The following TLR5 variants were observed in gnomAD, a reference collection of about 807,000 sequenced individuals.
The protein encoded by TLR5 is toll like receptor 5.
For synonymous variants in TLR5, 373 were observed against 384.4 expected (o/e 0.97, Z 0.35); for missense variants, 944 against 999.8 (o/e 0.94, Z 0.75).
At chr1:223,113,707 A>T (rs571455203) in intron 5 of TLR5, among the ~76,000 whole-genome samples, 233 of 152,220 alleles carry the variant, frequency 1.5e-3, no homozygotes, top group African/African-American at 5.4e-3. Flanking sequence ...CGATCCTCCT[A>T]CCTTGGCCTC....
intron 5 of TLR5, among the ~76,000 whole-genome samples, chr1:223,121,571 T>C (rs1176944419): frequency 6.6e-6 from 1 of 152,212 alleles, no homozygotes; most frequent in Non-Finnish European, 1.5e-5. Flanking sequence ...CAGGCTGGAG[T>C]GCAGTGGTGC....
intron 2 of TLR5, among the ~76,000 whole-genome samples, chr1:223,140,259 T>A (rs1657781703): frequency 6.6e-6 from 1 of 152,048 alleles, no homozygotes; most frequent in African/African-American, 2.4e-5. Context: ...AAAAAACGCA[T>A]GGTCAGGCTG....
intron 4 of TLR5, 142 bp from the exon 5 acceptor site, chr1:223,132,781 A>T (rs1657446282): frequency 6.6e-6 from 1 of 152,294 alleles, no homozygotes; most frequent in African/African-American, 2.4e-5. Flanking sequence ...TAATTGGAAA[A>T]GATCAAGACC....
chr1:223,127,013 A>T (rs1657193847), intron 5 of TLR5: 1 of 152,148 alleles, frequency 6.6e-6, no homozygotes. Flanking sequence ...CTGCTCACTT[A>T]TGCTTGGGGA....
intron 2 of TLR5, among the ~76,000 whole-genome samples, chr1:223,141,229 G>C (rs900750864): frequency 6.6e-6 from 1 of 152,182 alleles, no homozygotes; most frequent in African/African-American, 2.4e-5. Context: ...CTGATGCACG[G>C]GAATGAACAA....
chr1:223,140,710 T>A (rs1271061707), intron 2 of TLR5, among the ~76,000 whole-genome samples: 1 of 152,198 alleles, frequency 6.6e-6, no homozygotes, highest in Non-Finnish European at 1.5e-5. Flanking sequence ...TATATCCTCA[T>A]GCTTCCTTTC....
At chr1:223,121,309 G>A (rs976641708) in intron 5 of TLR5, among the ~76,000 whole-genome samples, 1 of 152,156 alleles carries the variant, frequency 6.6e-6, no homozygotes, top group Admixed American at 6.5e-5. Context: ...AATTATGTAT[G>A]TAGGTGGATT....
Position 223,111,872 on chromosome 1 carries a change from T to C in TLR5, c.1160A>G (p.Gln387Arg). 6.2e-7 allele frequency: 1 copy of C among 1,613,980 alleles called. No individual in the cohort carries two copies. Among genetic ancestry groups the C allele is most frequent in the Non-Finnish European group, 8.5e-7 (1 of 1,179,916 alleles). ...DQTFKFLEKL[Q>R]TLDLRDNALT... The stretch of plus-strand genomic sequence containing the variant: ...AGCATTGTCTCGGAGATCCAAGGTC[T>C]GTAATTTTTCCAGGAATTTGAATGT... Residue 387 changes from glutamine (Q) to arginine (R), a missense_variant, in exon 6 of 6, where the codon CAG (glutamine) becomes CGG (arginine). By Grantham distance (43) the Gln-to-Arg change is conservative. Coordinates refer to ENST00000642603, the MANE Select transcript of TLR5 (RefSeq NM_003268.6).
chr1:223,110,680 G>T lies in TLR5; in HGVS notation c.2352C>A (p.Asn784Lys). 6.2e-7 allele frequency: 1 copy of T among 1,614,170 alleles called. No individual in the cohort carries two copies. The highest frequency in any genetic ancestry group is 8.5e-7 in the Non-Finnish European group (1 of 1,180,032). ...YAQGRCLSDL[N>K]SALIMVVVGS... ...CAACCACCACCATGATGAGAGCACT[G>T]TTAAGGTCAGATAAGCACCTGCCCT... Residue 784 changes from asparagine to lysine, a missense_variant, in exon 6 of 6, where the codon AAC becomes AAA. Transcript: ENST00000642603.
chr1:223,118,910 C>A (rs779787258), intron 5 of TLR5, among the ~76,000 whole-genome samples: 5 of 151,826 alleles, frequency 3.3e-5, no homozygotes, highest in Non-Finnish European at 7.4e-5. Flanking sequence ...TTGAGACGAG[C>A]CTGGCCAACA....
intron 5 of TLR5, among the ~76,000 whole-genome samples, chr1:223,115,149 T>A (rs1204089823): frequency 2.6e-5 from 4 of 152,238 alleles, no homozygotes; most frequent in Non-Finnish European, 5.9e-5. Flanking sequence ...ACTTACATGA[T>A]TCAGCTCTTG....
intron 2 of TLR5, among the ~76,000 whole-genome samples, chr1:223,137,779 C>T (rs189834044): frequency 6.6e-6 from 1 of 152,008 alleles, no homozygotes; most frequent in Non-Finnish European, 1.5e-5. Context: ...AGGCAGATCT[C>T]TCTTACCATA....
intron 2 of TLR5, among the ~76,000 whole-genome samples, chr1:223,139,276 T>G (rs1171053162): frequency 5.3e-5 from 8 of 152,190 alleles, no homozygotes; most frequent in African/African-American, 1.9e-4. Context: ...CATCCAATGC[T>G]TATTGGACAC....
Position 223,112,925 on chromosome 1 carries a change from C to T in TLR5, c.107G>A (p.Cys36Tyr), listed in dbSNP as rs1178713841. The T allele has an allele frequency of 2.5e-6, 4 of 1,613,982 alleles. No homozygotes were observed. Among genetic ancestry groups the T allele is most frequent in the Non-Finnish European group, 3.4e-6 (4 of 1,180,026 alleles). Residue 36 changes from cysteine to tyrosine, a missense_variant, in exon 6 of 6, where the codon TGC (cysteine) becomes TAC (tyrosine). Coordinates refer to ENST00000642603, the MANE Select transcript of TLR5 (RefSeq NM_003268.6). ...FDGRIAFYRF[C>Y]NLTQVPQVLN... ...GACCTGGGGGACCTGGGTGAGGTTG[C>T]AGAAACGATAAAAGGCTATTCGGCC...
In TLR5 at chr1:223,111,767, T is replaced by C. The variant is rs1656354195; in HGVS notation, c.1265A>G (p.Asn422Ser). 1.2e-6 allele frequency: 2 copies of C among 1,614,076 alleles called. No homozygotes were observed. The highest frequency in any genetic ancestry group is 1.7e-6 in the Non-Finnish European group (2 of 1,180,040). ...GNKLVTLPKI[N>S]LTANLIHLSE... Reference sequence around the variant, plus strand: ...TAAGTGGATGAGGTTCGCTGTAAGGTTGATCTTTGGCAAAGTCACTAGTTT... The same window carrying C: ...TAAGTGGATGAGGTTCGCTGTAAGGCTGATCTTTGGCAAAGTCACTAGTTT... Residue 422 changes from asparagine to serine, a missense_variant, in exon 6 of 6, where the codon AAC (asparagine) becomes AGC (serine). Physicochemically the swap from Asn to Ser is conservative, Grantham distance 46. Coordinates refer to ENST00000642603, the MANE Select transcript of TLR5 (RefSeq NM_003268.6).
intron 1 of TLR5, 37 bp from the exon 2 acceptor site, chr1:223,141,800 TATATATATATATATATATATATAGAG>T (rs1408724896): frequency 3.5e-5 from 2 of 56,748 alleles, no homozygotes; most frequent in South Asian, 1.3e-3. Context: ...TATATATATA[TATATATATATATATATATATATAGAG>T]AGAGAGAGAG....
chr1:223,112,787 GTA>G lies in TLR5; in HGVS notation c.243_244del (p.Thr82ProfsTer5). ...GGCCTCCTTGTCAATAGTCAAGGGG[GTA>G]TACTGGCTCCCGAGCTCCAGCAGCT... On this transcript the variant is annotated frameshift_variant, in exon 6 of 6. Transcript: ENST00000642603. LOFTEE classifies it low-confidence loss of function (END_TRUNC). The G allele has an allele frequency of 6.2e-7, 1 of 1,613,128 alleles. No individual in the cohort carries two copies. The highest frequency in any genetic ancestry group is 8.5e-7 in the Non-Finnish European group (1 of 1,179,434).
chr1:223,141,822 T>TATATATAGAGAG (rs1398290863), intron 1 of TLR5, 59 bp from the exon 2 acceptor site: 1 of 42,984 alleles, frequency 2.3e-5, no homozygotes, highest in African/African-American at 9.4e-5. Context: ...TATATATATA[T>TATATATAGAGAG]AGAGAGAGAG....
chr1:223,112,747 G>A lies in TLR5; in HGVS notation c.285C>T (p.Pro95=). ...TIDKEAFRNL[P]NLRILDLGSS... ...TTCCCAGGTCCAAGATTCTAAGGTT[G>A]GGCAGGTTTCTGAAGGCCTCCTTGT... Residue 95 remains proline, a synonymous_variant, in exon 6 of 6, where the codon CCC becomes CCT. Coordinates refer to ENST00000642603, the MANE Select transcript of TLR5 (RefSeq NM_003268.6). The A allele has an allele frequency of 6.2e-7, 1 of 1,614,142 alleles. No homozygotes were observed. The highest frequency in any genetic ancestry group is 1.1e-5 in the South Asian group (1 of 91,074).
Sources: allele counts gnomAD v4.1 joint callset (sites outside exome capture counted in the v4.1 genomes callset), GRCh38; gene constraint gnomAD v4.1.1; transcripts MANE v1.5; gene names NCBI Gene and HGNC (gene_info 2026-07-23, HGNC 2026-07-21).